Variants in TNFAIP8 observed in about 807,000 individuals in gnomAD.
The protein encoded by TNFAIP8 is TNF alpha induced protein 8.
A neutral mutation model predicts 13.3 loss-of-function variants in TNFAIP8; 7 were observed. The observed-to-expected ratio is 0.52, with a 90% confidence interval of 0.30 to 0.99. TNFAIP8 has a LOEUF of 0.99. Ranked by LOEUF, TNFAIP8 falls within the 50% of genes least tolerant of loss-of-function variation. The pLI is 0.07. For synonymous variants in TNFAIP8, 94 were observed against 87.6 expected, an observed-to-expected ratio of 1.07 and a Z score of -0.41; for missense variants, 258 against 236.9, an observed-to-expected ratio of 1.09 and a Z score of -0.58.
rs542968933 is a variant in TNFAIP8, at chr5:119,318,887, C to T, written c.1+49980C>T. 7.9e-5 allele frequency among the ~76,000 whole-genome samples: 12 copies of T among 152,254 alleles called. No individual in the cohort carries two copies. In the East Asian group the frequency reaches 2.3e-3, roughly 29 times the overall value. ...TTATTTGAGACACTAAGCCAGTACT[C>T]TTACGTGTTTGGGTCCCTTTCACTT... On this transcript the variant is annotated intron_variant, in intron 1 of 1. Transcript: ENST00000274456.
rs895688497 is a variant in TNFAIP8, at chr5:119,397,166, C to G, written c.*3785C>G. 2 of 151,516 alleles carry G rather than the reference C, an allele frequency of 1.3e-5. No homozygotes were observed. The highest frequency in any genetic ancestry group is 2.9e-5 in the Non-Finnish European group (2 of 67,960). The allele number at this position is 151,516 out of a possible 1,614,324, so 9.4% of individuals were successfully genotyped here. A position where few individuals can be genotyped will look rare whatever the true frequency, so the allele number is the denominator to read the frequency against. On this transcript the variant is annotated 3_prime_UTR_variant, in exon 2 of 2. Transcript: ENST00000504771. ...ACACACACACACAATTTTTAAGCCC[C>G]CAAAGGCTTAAAATAGTACTTTTTG...
intron 1 of TNFAIP8, among the ~76,000 whole-genome samples, chr5:119,291,679 G>A (rs1038686263): frequency 3.3e-5 from 5 of 152,164 alleles, no homozygotes; most frequent in Non-Finnish European, 7.4e-5. Context: ...TCCTTTTTAG[G>A]ATTTGGGGCA....
At chr5:119,355,034 C>T (rs1164736834), upstream of TNFAIP8, 1 of 380,520 alleles carries the variant, frequency 2.6e-6, no homozygotes, top group Non-Finnish European at 4.8e-6. Context: ...AGTGGCAGCT[C>T]TTGTCCCCGC....
chr5:119,338,382 G>A (rs1466396033), intron 1 of TNFAIP8, among the ~76,000 whole-genome samples: 3 of 152,158 alleles, frequency 2.0e-5, no homozygotes, highest in Admixed American at 2.0e-4. Flanking sequence ...CAGGGACCCA[G>A]GTCCTACCTT....
chr5:119,283,348 A>G (rs1748690303), intron 1 of TNFAIP8, among the ~76,000 whole-genome samples: 1 of 152,214 alleles, frequency 6.6e-6, no homozygotes, highest in Non-Finnish European at 1.5e-5. Context: ...TCAAGGAGTG[A>G]TAGGCTAGGC....
At chr5:119,357,719 A>C (rs1394090596) in intron 1 of TNFAIP8, among the ~76,000 whole-genome samples, 1 of 151,344 alleles carries the variant, frequency 6.6e-6, no homozygotes. Flanking sequence ...CCTTCCCTCC[A>C]CTTGTCATCA....
chr5:119,381,780 A>C (rs1370948955), intron 1 of TNFAIP8, among the ~76,000 whole-genome samples: 1 of 152,056 alleles, frequency 6.6e-6, no homozygotes, highest in Admixed American at 6.5e-5. Context: ...TAAAAATACA[A>C]AATTAGTCGG....
intron 1 of TNFAIP8, among the ~76,000 whole-genome samples, chr5:119,343,171 G>A (rs1282368327): frequency 1.3e-5 from 2 of 150,512 alleles, no homozygotes; most frequent in African/African-American, 2.4e-5. Context: ...CCTCTGTAAA[G>A]ATAAGCACAA....
intron 1 of TNFAIP8, among the ~76,000 whole-genome samples, chr5:119,270,722 TG>T (rs1748267766): frequency 6.6e-6 from 1 of 152,248 alleles, no homozygotes; most frequent in African/African-American, 2.4e-5. Flanking sequence ...CCTACTCCTC[TG>T]TAAAATATGA....
chr5:119,335,840 G>T (rs1750533957), intron 1 of TNFAIP8, among the ~76,000 whole-genome samples: 1 of 151,786 alleles, frequency 6.6e-6, no homozygotes, highest in Non-Finnish European at 1.5e-5. Flanking sequence ...AGTAGAAAAA[G>T]ATATTTTCAA....
At chr5:119,345,161 T>A (rs1195031503) in intron 1 of TNFAIP8, among the ~76,000 whole-genome samples, 2 of 152,250 alleles carry the variant, frequency 1.3e-5, no homozygotes, top group Admixed American at 1.3e-4. Flanking sequence ...TTGAAATATT[T>A]AAAAATAATG....
At chr5:119,379,789 C>T (rs1055477473) in intron 1 of TNFAIP8, among the ~76,000 whole-genome samples, 2 of 152,070 alleles carry the variant, frequency 1.3e-5, no homozygotes, top group Non-Finnish European at 2.9e-5. Context: ...GATGGGGTCT[C>T]TCCATGTTGG....
At chr5:119,343,005 G>T (rs6896553) in intron 1 of TNFAIP8, among the ~76,000 whole-genome samples, 57,019 of 152,082 alleles carry the variant, frequency 0.37, 12,607 homozygotes, top group African/African-American at 0.62. Flanking sequence ...CCAATCCGAG[G>T]ATGGTGAGAT....
intron 1 of TNFAIP8, among the ~76,000 whole-genome samples, chr5:119,275,677 G>A (rs1748420375): frequency 6.6e-6 from 1 of 151,982 alleles, no homozygotes; most frequent in Admixed American, 6.6e-5. Flanking sequence ...TTTGCATTTT[G>A]GGTTTTGCCA....
chr5:119,326,781 G>A (rs1001639699), intron 1 of TNFAIP8, among the ~76,000 whole-genome samples: 1 of 152,180 alleles, frequency 6.6e-6, no homozygotes, highest in Non-Finnish European at 1.5e-5. Context: ...TGTTTTGAAG[G>A]TGAGGAAGAG....
At chr5:119,298,392 C>A (rs1450651018) in intron 1 of TNFAIP8, among the ~76,000 whole-genome samples, 1 of 151,966 alleles carries the variant, frequency 6.6e-6, no homozygotes, top group Non-Finnish European at 1.5e-5. Flanking sequence ...ATATGAAATT[C>A]TGGGTTGAAA....
intron 1 of TNFAIP8, among the ~76,000 whole-genome samples, chr5:119,292,645 CATATATATATATATATATATATATAT>C (rs56896742): frequency 1.2e-4 from 4 of 32,812 alleles, no homozygotes; most frequent in Non-Finnish European, 1.8e-4. Context: ...ATCAATGTAG[CATATATATATATATATATATATATAT>C]ATATATATAT....
chr5:119,362,876 A>G (rs1471513935), intron 1 of TNFAIP8, among the ~76,000 whole-genome samples: 1 of 152,160 alleles, frequency 6.6e-6, no homozygotes, highest in Middle Eastern at 3.2e-3. Context: ...AGTAATGCCA[A>G]GCTGGCAAGA....
chr5:119,320,424 C>G (rs556559937), intron 1 of TNFAIP8, among the ~76,000 whole-genome samples: 2 of 152,270 alleles, frequency 1.3e-5, no homozygotes, highest in South Asian at 4.2e-4. Context: ...TTTCTCTATT[C>G]AATGTAGCCT....
Sources: gnomAD v4.1 joint callset for allele counts (sites outside exome capture counted in the v4.1 genomes callset) on GRCh38, gnomAD v4.1.1 for gene constraint, MANE v1.5 for transcripts, NCBI Gene and HGNC (gene_info 2026-07-23, HGNC 2026-07-21) for gene names.